The following PCDH15 variants were observed in gnomAD, a reference collection of about 807,000 sequenced individuals.
PCDH15 encodes the protein protocadherin related 15.
In PCDH15, 129 loss-of-function variants were observed where a neutral mutation model predicts 178.5. That is an observed-to-expected ratio of 0.72 (90% confidence interval 0.63 to 0.84). The LOEUF is 0.84. Ranked by LOEUF, PCDH15 falls within the 40% of genes least tolerant of loss-of-function variation. The pLI is 0.00. For synonymous variants in PCDH15, 800 were observed against 732.0 expected (o/e 1.09, Z -1.50); for missense variants, 2,230 against 2,099.9 (o/e 1.06, Z -1.21).
At chr10:54,565,608 C>T (rs2088908350) in intron 2 of PCDH15, among the ~76,000 whole-genome samples, 1 of 152,172 alleles carries the variant, frequency 6.6e-6, no homozygotes, top group Non-Finnish European at 1.5e-5. Context: ...CTGGAAAGAG[C>T]ATGCTGTTAC....
intron 25 of PCDH15, among the ~76,000 whole-genome samples, chr10:53,910,125 C>G (rs1256119649): frequency 6.6e-6 from 1 of 152,188 alleles, no homozygotes; most frequent in Non-Finnish European, 1.5e-5. Context: ...TCTTAAATGT[C>G]CTGGTCTGAC....
chr10:54,067,604 C>G (rs1314510783), intron 17 of PCDH15, among the ~76,000 whole-genome samples: 3 of 152,156 alleles, frequency 2.0e-5, no homozygotes, highest in Non-Finnish European at 2.9e-5. Flanking sequence ...GGAAACTGCT[C>G]TCTCTAATCA....
chr10:54,733,599 C>T (rs930012045), intron 1 of PCDH15, among the ~76,000 whole-genome samples: 3 of 151,484 alleles, frequency 2.0e-5, no homozygotes, highest in African/African-American at 7.3e-5. Context: ...TACCAAAAAA[C>T]TGATTATAAG....
intron 23 of PCDH15, among the ~76,000 whole-genome samples, chr10:53,941,475 T>A (rs2086060775): frequency 6.6e-6 from 1 of 152,184 alleles, no homozygotes; most frequent in African/African-American, 2.4e-5. Flanking sequence ...CATTTAATGC[T>A]CCTCAACATC....
At chr10:54,578,043 A>G (rs1433590811) in intron 2 of PCDH15, among the ~76,000 whole-genome samples, 5 of 152,202 alleles carry the variant, frequency 3.3e-5, no homozygotes. Flanking sequence ...TGATTTATAT[A>G]CATTTGGAAA....
intron 19 of PCDH15, among the ~76,000 whole-genome samples, chr10:54,021,826 C>A (rs77358825): frequency 3.4e-3 from 518 of 151,940 alleles, no homozygotes; most frequent in African/African-American, 0.012. Flanking sequence ...ACCTTTGTAT[C>A]CCCAAAGTCT....
At position 55,520,366 on chromosome 10, in the gene PCDH15, C is replaced by A. The variant is rs114182540; in HGVS notation, c.-156+107259G>T. 5.2e-3 allele frequency among the ~76,000 whole-genome samples: 687 copies of A among 132,864 alleles called. 55 individuals are homozygous for A. Among genetic ancestry groups the A allele is most frequent in the African/African-American group, 0.02 (658 of 33,566 alleles). 87.2% of individuals were successfully genotyped at this position (132,864 alleles called of 152,430 possible). On this transcript the variant is annotated intron_variant, in intron 2 of 5. Coordinates refer to the PCDH15 transcript ENST00000613346. ...TATATATATACACATTGTCACATGG[C>A]AAAACTCAAAACTCAGTAGTTACAA...
At chr10:55,464,696 A>G (rs987652400) in intron 2 of PCDH15, among the ~76,000 whole-genome samples, 11 of 148,596 alleles carry the variant, frequency 7.4e-5, no homozygotes, top group Non-Finnish European at 1.6e-4. Flanking sequence ...ATATATATGT[A>G]TGTGTATATA....
intron 18 of PCDH15, among the ~76,000 whole-genome samples, chr10:54,025,369 A>G (rs891555181): frequency 5.1e-4 from 77 of 152,272 alleles, no homozygotes; most frequent in African/African-American, 1.8e-3. Context: ...TGCTCATTCA[A>G]GTTGTTGACA....
At chr10:54,630,252 C>G (rs76484467) in intron 2 of PCDH15, among the ~76,000 whole-genome samples, 410 of 152,256 alleles carry the variant, frequency 2.7e-3, no homozygotes, top group African/African-American at 9.6e-3. Flanking sequence ...ATCACATTAC[C>G]TGTTTTCAAA....
intron 23 of PCDH15, among the ~76,000 whole-genome samples, chr10:53,949,540 C>T (rs999280046): frequency 2.6e-5 from 4 of 151,942 alleles, no homozygotes; most frequent in Admixed American, 1.3e-4. Flanking sequence ...GAATGATAGC[C>T]TGGGCAATAT....
intron 2 of PCDH15, among the ~76,000 whole-genome samples, chr10:55,478,956 T>A (rs1024164255): frequency 2.0e-5 from 3 of 147,580 alleles, no homozygotes; most frequent in African/African-American, 5.0e-5. Flanking sequence ...AAAAAAACTT[T>A]AACAAACTAA....
chr10:55,320,257 C>T (rs1230064412), upstream of PCDH15, among the ~76,000 whole-genome samples: 4 of 152,184 alleles, frequency 2.6e-5, no homozygotes, highest in Non-Finnish European at 5.9e-5. Context: ...ACCCCACCAC[C>T]ACTTGGCCAT....
rs1296919055 is a variant in PCDH15, at chr10:55,407,162, T to C, written c.-156+220463A>G. ...GATACATGGATGGTTTTGTAGAAAATGTGAACAGAGATATGTGAAGGCAAC... is the reference window on the plus strand; with the variant it reads ...GATACATGGATGGTTTTGTAGAAAACGTGAACAGAGATATGTGAAGGCAAC... On this transcript the variant is annotated intron_variant, in intron 2 of 5. Transcript: ENST00000613346. Among the ~76,000 whole-genome samples, 6 of 151,640 alleles carry C rather than the reference T, an allele frequency of 4.0e-5. No homozygotes were observed. In the East Asian group the frequency reaches 1.2e-3, roughly 30 times the overall value.
chr10:54,623,664 A>G (rs1046065064), intron 2 of PCDH15, among the ~76,000 whole-genome samples: 1 of 152,138 alleles, frequency 6.6e-6, no homozygotes. Flanking sequence ...TTGGAACACT[A>G]AACTATATAA....
At chr10:54,591,795 A>C (rs2133943479) in intron 2 of PCDH15, among the ~76,000 whole-genome samples, 1 of 152,286 alleles carries the variant, frequency 6.6e-6, no homozygotes, top group South Asian at 2.1e-4. Context: ...TCTGATCTCA[A>C]AAATATGAAA....
intron 2 of PCDH15, among the ~76,000 whole-genome samples, chr10:54,980,710 G>A (rs563408458): frequency 3.1e-4 from 47 of 151,656 alleles, no homozygotes; most frequent in African/African-American, 1.1e-3. Context: ...TTTTCTTTAT[G>A]TTACACTTTT....
rs371094972 is a variant in PCDH15 at position 55,156,194 on chromosome 10, T to A, written c.-80+10382A>T. Among the ~76,000 whole-genome samples the A allele has an allele frequency of 9.3e-4, 142 of 152,280 alleles. 2 individuals are homozygous for A. In the South Asian group the frequency reaches 0.028, roughly 30 times the overall value. ...GAAGCTTGAGGCTAAAATATACCAA[T>A]GAAGCATTCAAGGAATATTTAGCTT... On this transcript the variant is annotated intron_variant, in intron 2 of 5. Transcript: ENST00000458638.
chr10:54,428,370 C>T lies in PCDH15; in HGVS notation c.158-49428G>A, dbSNP rs555504616. 2.6e-5 allele frequency among the ~76,000 whole-genome samples: 4 copies of T among 152,266 alleles called. No homozygotes were observed. In the East Asian group the frequency reaches 7.7e-4, roughly 29 times the overall value. On this transcript the variant is annotated intron_variant, in intron 3 of 37. Coordinates refer to ENST00000644397, the MANE Select transcript of PCDH15 (RefSeq NM_001384140.1). ...AAGTTGTCAAATAAAGTAAACCATGCCCAGTTGAATTTACATTGTTTAGTA... is the reference window on the plus strand; with the variant it reads ...AAGTTGTCAAATAAAGTAAACCATGTCCAGTTGAATTTACATTGTTTAGTA...
Sources: allele counts gnomAD v4.1 joint callset (sites outside exome capture counted in the v4.1 genomes callset), GRCh38; gene constraint gnomAD v4.1.1; transcripts MANE v1.5; gene names NCBI Gene and HGNC (gene_info 2026-07-23, HGNC 2026-07-21).